OMA1: variants seen among roughly 807,000 people sequenced by gnomAD.
The protein encoded by OMA1 is metalloendopeptidase OMA1, mitochondrial.
In OMA1, 38 loss-of-function variants were observed where a neutral mutation model predicts 30.9. That is an observed-to-expected ratio of 1.23 (90% CI 0.95 to 1.61). The LOEUF (loss-of-function observed/expected upper bound fraction) is 1.61. Among genes scored for constraint, OMA1 ranks in the 40% most tolerant of loss-of-function variants. The pLI, the probability that OMA1 is intolerant of heterozygous loss-of-function variation, is 0.00. For missense variants in OMA1, 461 were observed against 349.2 expected, an observed-to-expected ratio of 1.32 and a Z score of -2.55; for synonymous variants, 173 against 121.9, an observed-to-expected ratio of 1.42 and a Z score of -2.76.
At chr1:58,546,261 C>T (rs1349005893) in intron 1 of OMA1, among the ~76,000 whole-genome samples, 1 of 152,234 alleles carries the variant, frequency 6.6e-6, no homozygotes, top group African/African-American at 2.4e-5. Context: ...GAATGCCCGA[C>T]GCGCCGGGAG....
chr1:58,541,319 A>C (rs1298521496), intron 1 of OMA1, among the ~76,000 whole-genome samples: 4 of 130,652 alleles, frequency 3.1e-5, no homozygotes, highest in Non-Finnish European at 6.8e-5. Context: ...AAAAAAAAAA[A>C]AAAAAAAAAA....
chr1:58,533,986 G>A lies in OMA1; in HGVS notation c.978C>T (p.Gly326=), dbSNP rs1392532386. ...TDIHQLSFLL[G]HEIAHAVLGH... ...CAAGTACTGCATGTGCTATTTCATG[G>A]CCCAGAAGGAAAGAAAGTTGATGAA... Residue 326 remains glycine, a synonymous_variant, in exon 5 of 9, where the codon GGC becomes GGT. Coordinates refer to ENST00000371226, the MANE Select transcript of OMA1 (RefSeq NM_145243.5). 2.3e-6 allele frequency: 2 copies of A among 871,586 alleles called. No individual in the cohort carries two copies. The highest frequency in any genetic ancestry group is 2.4e-5 in the East Asian group (1 of 41,628). 54.0% of individuals were successfully genotyped at this position (871,586 alleles called of 1,614,324 possible).
Position 58,534,351 on chromosome 1 carries a change from T to C in OMA1, c.730-20A>G, listed in dbSNP as rs1646483717. Reference sequence around the variant, plus strand: ...CATCCACTGAAAGATTAAAAATTACTTCTTATTTTAAAAGAGCACTACAAA... The same window carrying C: ...CATCCACTGAAAGATTAAAAATTACCTCTTATTTTAAAAGAGCACTACAAA... On this transcript the variant is annotated intron_variant, in intron 3 of 8. Coordinates refer to ENST00000371226, the MANE Select transcript of OMA1 (RefSeq NM_145243.5). 1.2e-6 allele frequency: 1 copy of C among 824,420 alleles called. No homozygotes were observed. Among genetic ancestry groups the C allele is most frequent in the Non-Finnish European group, 2.1e-6 (1 of 481,574 alleles). 51.1% of individuals were successfully genotyped at this position (824,420 alleles called of 1,614,324 possible). A position where few individuals can be genotyped will look rare whatever the true frequency, so the allele number is the denominator to read the frequency against.
At chr1:58,503,184 C>T (rs1420433436) in intron 8 of OMA1, among the ~76,000 whole-genome samples, 3 of 151,700 alleles carry the variant, frequency 2.0e-5, no homozygotes, top group South Asian at 2.1e-4. Flanking sequence ...TTTCATTGAG[C>T]GAAAATAAAA....
In OMA1 at chr1:58,480,966, C is replaced by A; in HGVS notation, c.1574G>T (p.Ter525LeuextTer10). 1.2e-6 allele frequency: 1 copy of A among 856,858 alleles called. No homozygotes were observed. The allele number at this position is 856,858 out of a possible 1,614,324, so 53.1% of individuals were successfully genotyped here. The change falls in exon 9 of 9, where the codon TGA becomes TTA. Residue 525 changes from the stop codon to leucine (L), a stop_lost. Coordinates refer to ENST00000371226, the MANE Select transcript of OMA1 (RefSeq NM_145243.5). ...ATCTTGTGTCTCATAAATTTTAATT[C>A]AACTGCCCGTTCTTTTCTCAACTAT... ...TYIVEKRTGS* is the reference protein window; with the variant it reads ...TYIVEKRTGSL
Position 58,534,275 on chromosome 1 carries a change from A to T in OMA1, c.786T>A (p.Ala262=), listed in dbSNP as rs1440587246. The change falls in exon 4 of 9, where the codon GCT becomes GCA. Residue 262 remains alanine (A), a synonymous_variant. Transcript: ENST00000371226. ...MLTEKDARYL[A]VKEVLCHLIE... is the part of the protein sequence containing the mutation. ...TTAGATGACAAAGCACTTCTTTAAC[A>T]GCCAGGTATCGGGCATCTTTCTCAG... 2 of 870,722 alleles carry T rather than the reference A, an allele frequency of 2.3e-6. No homozygotes were observed. The highest frequency in any genetic ancestry group is 4.0e-6 in the Non-Finnish European group (2 of 501,252). The allele number at this position is 870,722 out of a possible 1,614,324, so 53.9% of individuals were successfully genotyped here.
At position 58,481,110 on chromosome 1, in the gene OMA1, A is replaced by G. The variant is rs748885045; in HGVS notation, c.1430T>C (p.Phe477Ser). ...AAGAAAATGCTTCGTGCTGAGTTTG[A>G]ATAGTAATCGAGGGTCTGGATTAGA... ...PLSNPDPRLL[F>S]KLSTKHFLEE... Residue 477 changes from phenylalanine (F) to serine (S), a missense_variant, in exon 9 of 9, where the codon TTC becomes TCC. Transcript: ENST00000371226. 1 of 871,972 alleles carries G rather than the reference A, an allele frequency of 1.1e-6. No individual in the cohort carries two copies. The highest frequency in any genetic ancestry group is 2.0e-6 in the Non-Finnish European group (1 of 501,212). 54.0% of individuals were successfully genotyped at this position (871,972 alleles called of 1,614,324 possible).
At chr1:58,498,943 A>C (rs1191357286) in intron 8 of OMA1, among the ~76,000 whole-genome samples, 6 of 152,226 alleles carry the variant, frequency 3.9e-5, no homozygotes, top group Non-Finnish European at 8.8e-5. Context: ...AAAATTAAAA[A>C]TTAAGGCCAC....
intron 6 of OMA1, among the ~76,000 whole-genome samples, 198 bp from the exon 7 acceptor site, chr1:58,527,533 A>T (rs1383400085): frequency 6.6e-6 from 1 of 152,220 alleles, no homozygotes; most frequent in Non-Finnish European, 1.5e-5. Flanking sequence ...ACTTTAAAAA[A>T]TGATAAGGAT....
intron 7 of OMA1, among the ~76,000 whole-genome samples, chr1:58,517,231 C>T (rs1438380235): frequency 6.6e-6 from 1 of 152,174 alleles, no homozygotes; most frequent in Non-Finnish European, 1.5e-5. Context: ...AAAGTCCTGA[C>T]CCCTATGCTA....
At chr1:58,536,767 T>C (rs1008187363) in intron 2 of OMA1, 26 bp from the exon 3 acceptor site, 5 of 862,736 alleles carry the variant, frequency 5.8e-6, no homozygotes, top group Non-Finnish European at 1.0e-5. Context: ...AAATTCAAAG[T>C]TCTGAAAATC....
At chr1:58,502,536 T>C (rs1645923016) in intron 8 of OMA1, among the ~76,000 whole-genome samples, 6 of 152,208 alleles carry the variant, frequency 3.9e-5, no homozygotes, top group African/African-American at 2.4e-5. Context: ...AACTTCACCA[T>C]ACTGCTAGAG....
chr1:58,537,336 A>G (rs981476948), intron 2 of OMA1, among the ~76,000 whole-genome samples: 1 of 152,168 alleles, frequency 6.6e-6, no homozygotes. Context: ...CAGACCTCCA[A>G]CACAATTTGC....
chr1:58,506,430 TGTCA>T (rs1213263316), intron 7 of OMA1, among the ~76,000 whole-genome samples: 1 of 152,226 alleles, frequency 6.6e-6, no homozygotes, highest in African/African-American at 2.4e-5. Flanking sequence ...AACAACTTTA[TGTCA>T]CTACATGCTT....
chr1:58,499,636 A>C (rs1645870427), intron 8 of OMA1, among the ~76,000 whole-genome samples: 2 of 152,346 alleles, frequency 1.3e-5, no homozygotes, highest in East Asian at 3.9e-4. Flanking sequence ...AATTGCTAAG[A>C]GAATAGATTT....
intron 3 of OMA1, among the ~76,000 whole-genome samples, chr1:58,534,864 A>C (rs1646492884): frequency 6.6e-6 from 1 of 152,178 alleles, no homozygotes; most frequent in Non-Finnish European, 1.5e-5. Flanking sequence ...TGAGTCTAGG[A>C]GGTGGAGGTT....
chr1:58,529,763 T>C (rs1172181985), intron 6 of OMA1, among the ~76,000 whole-genome samples: 2 of 152,168 alleles, frequency 1.3e-5, no homozygotes, highest in South Asian at 2.1e-4. Context: ...AACTTAAAAA[T>C]ATATATAGTA....
chr1:58,527,374 T>G, intron 6 of OMA1, 39 bp from the exon 7 acceptor site: 1 of 855,618 alleles, frequency 1.2e-6, no homozygotes, highest in South Asian at 1.3e-5. Context: ...TAAGACAATT[T>G]ATTTCACGAA....
At chr1:58,543,490 G>C (rs1045877538) in intron 1 of OMA1, among the ~76,000 whole-genome samples, 2 of 151,972 alleles carry the variant, frequency 1.3e-5, no homozygotes, top group African/African-American at 4.8e-5. Context: ...GGGCTCTGTG[G>C]TCTTATGGTG....
Sources: gnomAD v4.1 joint callset for allele counts (sites outside exome capture counted in the v4.1 genomes callset) on GRCh38, gnomAD v4.1.1 for gene constraint, MANE v1.5 for transcripts, NCBI Gene and HGNC (gene_info 2026-07-23, HGNC 2026-07-21) for gene names.